Variants in CFAP77 observed in about 807,000 individuals in gnomAD.
The protein encoded by CFAP77 is cilia and flagella associated protein 77.
A neutral mutation model predicts 31.1 loss-of-function variants in CFAP77; 25 were observed. That is an observed-to-expected ratio of 0.80 (90% CI 0.59 to 1.12). The LOEUF is 1.12. CFAP77 is among the 50% of genes most tolerant of loss of function. CFAP77 has a pLI of 0.00. For missense variants in CFAP77, 377 were observed against 397.3 expected, an observed-to-expected ratio of 0.95 and a Z score of 0.44; for synonymous variants, 151 against 159.9, an observed-to-expected ratio of 0.94 and a Z score of 0.42.
chr9:132,436,626 C>G (rs1489296520), intron 1 of CFAP77, among the ~76,000 whole-genome samples: 1 of 151,908 alleles, frequency 6.6e-6, no homozygotes, highest in Non-Finnish European at 1.5e-5. Flanking sequence ...ATGAAAAGAA[C>G]AGTCAGGAAA....
At chr9:132,531,571 G>A (rs568380786) in intron 3 of CFAP77, among the ~76,000 whole-genome samples, 4 of 149,372 alleles carry the variant, frequency 2.7e-5, no homozygotes, top group Non-Finnish European at 4.5e-5. Context: ...GGAGGCAGGA[G>A]CCGCTGGAAG....
At chr9:132,439,616 G>A (rs1012475721) in intron 1 of CFAP77, among the ~76,000 whole-genome samples, 1 of 152,074 alleles carries the variant, frequency 6.6e-6, no homozygotes, top group Non-Finnish European at 1.5e-5. Flanking sequence ...GGAGGCCAAG[G>A]CGGGCAGATC....
intron 1 of CFAP77, among the ~76,000 whole-genome samples, chr9:132,448,849 A>C (rs543642372): frequency 2.4e-4 from 36 of 152,170 alleles, no homozygotes; most frequent in Non-Finnish European, 4.6e-4. Context: ...GGCCTCCCAA[A>C]GTGGTGAGAC....
intron 5 of CFAP77, among the ~76,000 whole-genome samples, chr9:132,544,668 T>A (rs1852705679): frequency 6.6e-6 from 1 of 151,926 alleles, no homozygotes; most frequent in Admixed American, 6.6e-5. Flanking sequence ...CTGATTTTTG[T>A]GTTTTTTTGC....
intron 1 of CFAP77, among the ~76,000 whole-genome samples, chr9:132,468,704 G>A (rs1851198489): frequency 6.6e-6 from 1 of 152,144 alleles, no homozygotes; most frequent in Non-Finnish European, 1.5e-5. Flanking sequence ...GGACTATGAT[G>A]TCTCTTTTGC....
At position 132,511,985 on chromosome 9, in the gene CFAP77, CA is replaced by C. The variant is rs1192179970; in HGVS notation, c.524+12386del. Among the ~76,000 whole-genome samples, 1 of 151,620 alleles carries C rather than the reference CA, an allele frequency of 6.6e-6. No individual in the cohort carries two copies. The highest frequency in any genetic ancestry group is 1.9e-4 in the East Asian group (1 of 5,156). ...AGGAGAATCACTTGAACCTGGGAGGCAGAGGTTGCAGTGAGCCAAGATCATG... is the reference window on the plus strand; with the variant it reads ...AGGAGAATCACTTGAACCTGGGAGGCGAGGTTGCAGTGAGCCAAGATCATG... On this transcript the variant is annotated intron_variant, in intron 3 of 5. Transcript: ENST00000393216. The surrounding 1 kb of genome is among the most constrained non-coding windows in gnomAD (Gnocchi z 5.8).
chr9:132,413,235 T>TAC (rs1192028543), intron 1 of CFAP77, among the ~76,000 whole-genome samples: 1 of 152,188 alleles, frequency 6.6e-6, no homozygotes, highest in Non-Finnish European at 1.5e-5. Context: ...CCAGGATGTA[T>TAC]ACACATCAGT....
intron 1 of CFAP77, among the ~76,000 whole-genome samples, chr9:132,423,075 C>T (rs1348373932): frequency 2.6e-5 from 4 of 152,228 alleles, no homozygotes; most frequent in African/African-American, 4.8e-5. Flanking sequence ...TGTTGGGCTT[C>T]GCGGCTGCCT....
intron 3 of CFAP77, among the ~76,000 whole-genome samples, chr9:132,510,745 C>T (rs987098578): frequency 6.6e-6 from 1 of 152,152 alleles, no homozygotes; most frequent in African/African-American, 2.4e-5. Context: ...CCATCAGTCC[C>T]GTCGGAGGCC....
intron 1 of CFAP77, among the ~76,000 whole-genome samples, chr9:132,477,150 C>T (rs1031200203): frequency 2.6e-4 from 40 of 152,156 alleles, no homozygotes; most frequent in Admixed American, 2.6e-3. Flanking sequence ...AACAGTGGGG[C>T]CAGGATGAGG....
intron 3 of CFAP77, among the ~76,000 whole-genome samples, chr9:132,509,837 C>T (rs1452248010): frequency 6.6e-6 from 1 of 152,004 alleles, no homozygotes; most frequent in Non-Finnish European, 1.5e-5. Flanking sequence ...AGCCTGGGGC[C>T]CCCATCTTTT....
At position 132,467,254 on chromosome 9, in the gene CFAP77, G is replaced by A. The variant is rs146163126; in HGVS notation, c.196-31441G>A. ...ATTTTAGGGTGTGCCGTTCCACAGT[G>A]TTAAGTACCTTCACATCGTTTGTGT... On this transcript the variant is annotated intron_variant, in intron 1 of 5. Coordinates refer to ENST00000393216, the MANE Select transcript of CFAP77 (RefSeq NM_001282957.2). Among the ~76,000 whole-genome samples, 980 of 152,250 alleles carry A rather than the reference G, an allele frequency of 6.4e-3. 10 individuals carry two copies. The highest frequency in any genetic ancestry group is 0.022 in the African/African-American group (912 of 41,534).
chr9:132,516,590 T>TACACACACACAC (rs34683089), intron 3 of CFAP77, among the ~76,000 whole-genome samples: 269 of 145,044 alleles, frequency 1.9e-3, no homozygotes, highest in African/African-American at 3.3e-3. Flanking sequence ...CACACAGAAA[T>TACACACACACAC]ACACACACAC....
rs1294145837 is a variant in CFAP77 at position 132,517,857 on chromosome 9, G to A, written c.524+18257G>A. 6.6e-6 allele frequency among the ~76,000 whole-genome samples: 1 copy of A among 152,218 alleles called. No homozygotes were observed. The highest frequency in any genetic ancestry group is 1.5e-5 in the Non-Finnish European group (1 of 68,046). On this transcript the variant is annotated intron_variant, in intron 3 of 5. Coordinates refer to ENST00000393216, the MANE Select transcript of CFAP77 (RefSeq NM_001282957.2). This position sits in a 1 kb window ranked among gnomAD's most constrained non-coding sequence, Gnocchi z 4.7. The stretch of plus-strand genomic sequence containing the variant: ...TGCATCGGAGATCAACCCCTGGTCT[G>A]GGGTATCAATCGCGGAGCAGTCAGG...
At chr9:132,437,127 G>A (rs549141911) in intron 1 of CFAP77, among the ~76,000 whole-genome samples, 3 of 152,220 alleles carry the variant, frequency 2.0e-5, no homozygotes, top group South Asian at 2.1e-4. Flanking sequence ...CAGGTAACTC[G>A]ATGCATAAAG....
At chr9:132,486,153 C>T (rs1296197391) in intron 1 of CFAP77, among the ~76,000 whole-genome samples, 2 of 128,782 alleles carry the variant, frequency 1.6e-5, no homozygotes, top group Admixed American at 8.4e-5. Flanking sequence ...AGTGCGGTGG[C>T]GCAATCTCGG....
chr9:132,544,840 G>A (rs536657669), intron 5 of CFAP77, among the ~76,000 whole-genome samples: 1 of 152,274 alleles, frequency 6.6e-6, no homozygotes, highest in Admixed American at 6.5e-5. Flanking sequence ...AGTTCATGGG[G>A]ACGCTGCCTG....
intron 3 of CFAP77, among the ~76,000 whole-genome samples, chr9:132,505,923 C>T (rs1010987647): frequency 5.3e-5 from 8 of 152,178 alleles, no homozygotes; most frequent in African/African-American, 1.9e-4. Context: ...TATGAGCCAC[C>T]GCTAACAAAA....
rs1321507664 is a variant in CFAP77, at chr9:132,517,852, G to C, written c.524+18252G>C. ...GTGCCTGCATCGGAGATCAACCCCT[G>C]GTCTGGGGTATCAATCGCGGAGCAG... On this transcript the variant is annotated intron_variant, in intron 3 of 5. Coordinates refer to ENST00000393216, the MANE Select transcript of CFAP77 (RefSeq NM_001282957.2). This position sits in a 1 kb window ranked among gnomAD's most constrained non-coding sequence, Gnocchi z 4.7. Among the ~76,000 whole-genome samples, 4 of 152,202 alleles carry C rather than the reference G, an allele frequency of 2.6e-5. No individual in the cohort carries two copies. The highest frequency in any genetic ancestry group is 2.6e-4 in the Admixed American group (4 of 15,280).
Sources: allele counts gnomAD v4.1 joint callset (sites outside exome capture counted in the v4.1 genomes callset), GRCh38; gene constraint gnomAD v4.1.1; non-coding constraint Gnocchi (gnomAD v3.1); transcripts MANE v1.5; gene names NCBI Gene and HGNC (gene_info 2026-07-23, HGNC 2026-07-21).